FRMD4A: variants seen among roughly 807,000 people sequenced by gnomAD.
The protein encoded by FRMD4A is FERM domain-containing protein 4A.
In FRMD4A, 29 loss-of-function variants were observed where a neutral mutation model predicts 129.1. That is an observed-to-expected ratio of 0.22 (90% CI 0.17 to 0.31). FRMD4A has a LOEUF of 0.31. Among genes scored for constraint, FRMD4A ranks in the 10% least tolerant of loss-of-function variants. The pLI, the probability that FRMD4A is intolerant of heterozygous loss-of-function variation, is 1.00. For missense variants in FRMD4A, 1,272 were observed against 1,375.8 expected (o/e 0.92, Z 1.19); for synonymous variants, 634 against 571.6 (o/e 1.11, Z -1.56).
At chr10:14,118,888 C>T (rs1289663280) in intron 2 of FRMD4A, among the ~76,000 whole-genome samples, 4 of 152,148 alleles carry the variant, frequency 2.6e-5, no homozygotes, top group Admixed American at 6.5e-5. Context: ...GACTATATAA[C>T]CCTGAATCCC....
chr10:13,754,115 C>G (rs892528412), intron 8 of FRMD4A, among the ~76,000 whole-genome samples: 16 of 152,234 alleles, frequency 1.1e-4, no homozygotes, highest in African/African-American at 3.4e-4. Context: ...CTCTGAAAAA[C>G]TGACACAGTA....
intron 2 of FRMD4A, among the ~76,000 whole-genome samples, chr10:13,983,652 G>C (rs761549975): frequency 8.5e-5 from 13 of 152,110 alleles, no homozygotes; most frequent in Admixed American, 5.2e-4. Context: ...AGAATTCAGA[G>C]ACCAGGAGAT....
intron 2 of FRMD4A, among the ~76,000 whole-genome samples, chr10:14,143,163 T>C (rs1839918643): frequency 1.3e-5 from 2 of 152,204 alleles, no homozygotes; most frequent in Admixed American, 1.3e-4. Flanking sequence ...AAGCAAGGAC[T>C]CGAAGAGATA....
chr10:13,774,300 G>A lies in FRMD4A; in HGVS notation c.384+8622C>T, dbSNP rs1452278946. Among the ~76,000 whole-genome samples, 3 of 152,194 alleles carry A rather than the reference G, an allele frequency of 2.0e-5. No homozygotes were observed. In the East Asian group the frequency reaches 5.8e-4, roughly 29 times the overall value. On this transcript the variant is annotated intron_variant, in intron 6 of 24. Coordinates refer to ENST00000357447, the MANE Select transcript of FRMD4A (RefSeq NM_018027.5). ...TGAGAGGGGCGTCTGCTGTGGCCAT[G>A]CCTCCTGCCTGCTGGGAAAGAGAGA...
At chr10:14,260,994 T>A (rs546887762) in intron 2 of FRMD4A, among the ~76,000 whole-genome samples, 1 of 152,226 alleles carries the variant, frequency 6.6e-6, no homozygotes, top group East Asian at 1.9e-4. Context: ...GTGGAGGTGA[T>A]CTCTAAAATC....
intron 15 of FRMD4A, among the ~76,000 whole-genome samples, chr10:13,686,484 G>T (rs529735681): frequency 6.6e-6 from 1 of 152,230 alleles, no homozygotes; most frequent in African/African-American, 2.4e-5. Context: ...CTAGCATTCA[G>T]AGAATGGGAG....
Position 13,701,477 on chromosome 10 carries a change from C to T in FRMD4A, c.838G>A (p.Ala280Thr), listed in dbSNP as rs768169993. Reference protein sequence around the residue: ...FSVEVHDPRRASVTRRTFGHS... With the variant: ...FSVEVHDPRRTSVTRRTFGHS... ...CCAAACGTCCTCCTTGTCACTGAAG[C>T]CCTGGGGAAGCAAGAATCACAAGGT... The change falls in exon 14 of 25, where the codon GCT (alanine) becomes ACT (threonine). Residue 280 changes from alanine (A) to threonine (T), a missense_variant and splice_region_variant. Physicochemically the swap from Ala to Thr is moderately conservative, Grantham distance 58. Transcript: ENST00000357447. 2.5e-6 allele frequency: 4 copies of T among 1,611,736 alleles called. No homozygotes were observed.
intron 14 of FRMD4A, among the ~76,000 whole-genome samples, chr10:13,699,224 GTTTTTTTTTTT>G (rs1168489802): frequency 1.0e-4 from 8 of 76,270 alleles, no homozygotes; most frequent in African/African-American, 4.1e-4. Flanking sequence ...CTTGGTTATT[GTTTTTTTTTTT>G]TTTTTTTTTT....
chr10:14,329,545 C>A (rs1183929392), intron 2 of FRMD4A, among the ~76,000 whole-genome samples: 11 of 152,192 alleles, frequency 7.2e-5, no homozygotes, highest in Admixed American at 7.2e-4. Context: ...AAGCTGCTCC[C>A]AACTCAGTAG....
chr10:14,308,870 A>G (rs1000810259), intron 2 of FRMD4A, among the ~76,000 whole-genome samples: 3 of 152,162 alleles, frequency 2.0e-5, no homozygotes, highest in Non-Finnish European at 4.4e-5. Context: ...TGACCTACCA[A>G]ATGACCCATT....
rs544384366 is a variant in FRMD4A, at chr10:14,144,616, A to G, written c.45+185442T>C. On this transcript the variant is annotated intron_variant, in intron 2 of 24. Transcript: ENST00000357447. ...CTGTGGCACTATTCTATGTGTGATC[A>G]TTGTCTCAGCACAATTTGTGTCACT... Among the ~76,000 whole-genome samples the G allele has an allele frequency of 1.5e-4, 23 of 152,200 alleles. No individual in the cohort carries two copies. In the South Asian group the frequency reaches 4.1e-3, roughly 27 times the overall value.
intron 2 of FRMD4A, chr10:14,097,162 A>G (rs1323713566): frequency 5.4e-5 from 6 of 111,966 alleles, no homozygotes; most frequent in African/African-American, 1.6e-4. Context: ...AAAAAAAAAA[A>G]AAAAAGAAAA....
At chr10:13,703,910 CAGG>C (rs1310406352) in intron 13 of FRMD4A, among the ~76,000 whole-genome samples, 3 of 152,124 alleles carry the variant, frequency 2.0e-5, no homozygotes, top group African/African-American at 7.2e-5. Flanking sequence ...GAGGCTGAGG[CAGG>C]AGAATTGCTT....
intron 5 of FRMD4A, among the ~76,000 whole-genome samples, chr10:13,783,835 G>C (rs1056646374): frequency 1.3e-5 from 2 of 152,086 alleles, no homozygotes; most frequent in East Asian, 3.8e-4. Flanking sequence ...AATGAGAATC[G>C]GATTTCATCT....
At chr10:13,750,913 C>T (rs934227161) in intron 8 of FRMD4A, among the ~76,000 whole-genome samples, 2 of 152,180 alleles carry the variant, frequency 1.3e-5, no homozygotes, top group Non-Finnish European at 2.9e-5. Context: ...ATTCACCAAA[C>T]ACTCGAGGGC....
chr10:13,860,778 TTTTAA>T (rs1157413487), intron 2 of FRMD4A, among the ~76,000 whole-genome samples: 2 of 152,132 alleles, frequency 1.3e-5, no homozygotes, highest in Non-Finnish European at 2.9e-5. Context: ...GGAGCTCTTG[TTTTAA>T]TTTAATTTTT....
At position 13,706,749 on chromosome 10, in the gene FRMD4A, GACACACACACACAC is replaced by G. The variant is rs3031967; in HGVS notation, c.836+274_836+287del. ...GGCAGGTAAGACAAACACATACACT[GACACACACACACAC>G]ACACACACACACACACGAGCCAGGG... On this transcript the variant is annotated intron_variant, in intron 13 of 24. Transcript: ENST00000357447. Among the ~76,000 whole-genome samples, 40 of 146,630 alleles carry G rather than the reference GACACACACACACAC, an allele frequency of 2.7e-4. No individual in the cohort carries two copies. In the East Asian group the frequency reaches 7.8e-3, roughly 29 times the overall value.
chr10:14,146,485 C>T (rs530645923), intron 2 of FRMD4A, among the ~76,000 whole-genome samples: 1 of 152,324 alleles, frequency 6.6e-6, no homozygotes, highest in South Asian at 2.1e-4. Context: ...TTGATCCCCT[C>T]TCTGTTCATC....
At chr10:14,329,450 G>T (rs1161191075) in intron 2 of FRMD4A, among the ~76,000 whole-genome samples, 1 of 152,084 alleles carries the variant, frequency 6.6e-6, no homozygotes, top group East Asian at 1.9e-4. Flanking sequence ...ATTCCAGAGG[G>T]GCATAAGGTG....
Sources: allele counts gnomAD v4.1 joint callset (sites outside exome capture counted in the v4.1 genomes callset), GRCh38; gene constraint gnomAD v4.1.1; transcripts MANE v1.5; gene names NCBI Gene and HGNC (gene_info 2026-07-23, HGNC 2026-07-21).